CMIP: variants seen among roughly 807,000 people sequenced by gnomAD.
CMIP encodes C-Maf-inducing protein.
In CMIP, 13 loss-of-function variants were observed where a neutral mutation model predicts 97.3. The observed-to-expected ratio is 0.13, with a 90% CI of 0.09 to 0.21. The LOEUF is 0.21. Among genes scored for constraint, CMIP ranks in the 10% least tolerant of loss-of-function variants. The pLI, the probability that CMIP is intolerant of heterozygous loss-of-function variation, is 1.00. For synonymous variants in CMIP, 538 were observed against 436.3 expected (o/e 1.23, Z -2.91); for missense variants, 847 against 1,024.9 (o/e 0.83, Z 2.37).
Position 81,701,728 on chromosome 16 carries a change from C to T in CMIP, c.1824C>T (p.Thr608=), listed in dbSNP as rs1342897322. ...ACACCCAACTGCAGATCATCTCAACCCTGGAGAGCACAGACGTGGGGAAGC... is the reference window on the plus strand; with the variant it reads ...ACACCCAACTGCAGATCATCTCAACTCTGGAGAGCACAGACGTGGGGAAGC... ...NNDTQLQIIS[T]LESTDVGKRM... is the part of the protein sequence containing the mutation. Residue 608 remains threonine, a synonymous_variant, in exon 16 of 21, where the codon ACC becomes ACT. Transcript: ENST00000537098. The T allele has an allele frequency of 3.1e-6, 5 of 1,613,822 alleles. No individual in the cohort carries two copies. Among genetic ancestry groups the T allele is most frequent in the African/African-American group, 1.3e-5 (1 of 74,944 alleles).
At position 81,625,340 on chromosome 16, in the gene CMIP, A is replaced by G. The variant is rs1203677602; in HGVS notation, c.477+4414A>G. 2.6e-5 allele frequency among the ~76,000 whole-genome samples: 4 copies of G among 152,240 alleles called. No homozygotes were observed. The East Asian group carries it at 7.7e-4, about 29-fold the overall frequency. On this transcript the variant is annotated intron_variant, in intron 3 of 20. Coordinates refer to ENST00000537098, the MANE Select transcript of CMIP (RefSeq NM_198390.3). ...TTTGGTTTGGGTGGTTCAGCCCTTG[A>G]GGCTAATTCCCAGGGGTGTGGAAGC...
chr16:81,557,223 C>T (rs977709883), intron 1 of CMIP, among the ~76,000 whole-genome samples: 1 of 152,170 alleles, frequency 6.6e-6, no homozygotes, highest in Non-Finnish European at 1.5e-5. Flanking sequence ...CCACCTCCCC[C>T]ACGAGATCAT....
chr16:81,454,732 A>C (rs1357287178), intron 1 of CMIP, among the ~76,000 whole-genome samples: 1 of 152,206 alleles, frequency 6.6e-6, no homozygotes, highest in African/African-American at 2.4e-5. Flanking sequence ...TACAATTATG[A>C]TACACCATTG....
rs1372147792 is a variant in CMIP at position 81,542,563 on chromosome 16, A to G, written c.301-65004A>G. Reference sequence around the variant, plus strand: ...TCCATCTGTGTTAGATTGGGCTGCCATAACAAAACACCATAGACTGGGTGG... The same window carrying G: ...TCCATCTGTGTTAGATTGGGCTGCCGTAACAAAACACCATAGACTGGGTGG... On this transcript the variant is annotated intron_variant, in intron 1 of 20. Transcript: ENST00000537098. Among the ~76,000 whole-genome samples, 5 of 152,324 alleles carry G rather than the reference A, an allele frequency of 3.3e-5. No individual in the cohort carries two copies. The East Asian group carries it at 7.7e-4, about 24-fold the overall frequency.
intron 2 of CMIP, chr16:81,618,595 A>G (rs538923940): frequency 2.0e-4 from 30 of 152,382 alleles, no homozygotes; most frequent in African/African-American, 6.5e-4. Flanking sequence ...AGCTCATCCC[A>G]GCTTGCACCT....
chr16:81,501,472 A>C (rs2089610839), intron 1 of CMIP, among the ~76,000 whole-genome samples: 1 of 152,136 alleles, frequency 6.6e-6, no homozygotes, highest in Non-Finnish European at 1.5e-5. Context: ...ACGCTATTAA[A>C]TAGCGTCATC....
At chr16:81,657,204 A>G (rs1206683017) in intron 4 of CMIP, among the ~76,000 whole-genome samples, 3 of 152,172 alleles carry the variant, frequency 2.0e-5, no homozygotes, top group African/African-American at 7.2e-5. Flanking sequence ...ATTCAACCTA[A>G]TTATGTTTTT....
intron 1 of CMIP, among the ~76,000 whole-genome samples, chr16:81,601,545 C>G (rs1372855847): frequency 6.6e-6 from 1 of 152,122 alleles, no homozygotes; most frequent in East Asian, 1.9e-4. Context: ...CTTCTAGGCC[C>G]TATTTTTTCC....
intron 1 of CMIP, among the ~76,000 whole-genome samples, chr16:81,459,158 G>A (rs939333883): frequency 4.6e-5 from 7 of 152,194 alleles, no homozygotes; most frequent in African/African-American, 1.7e-4. Context: ...CTGCAGGACT[G>A]TGAGCTTGAA....
In CMIP at chr16:81,445,146, G is replaced by C; in HGVS notation, c.-96G>C. The C allele has an allele frequency of 1.6e-6, 1 of 636,036 alleles. No individual in the cohort carries two copies. Among genetic ancestry groups the C allele is most frequent in the East Asian group, 3.6e-5 (1 of 27,680 alleles). 39.4% of individuals were successfully genotyped at this position (636,036 alleles called of 1,614,324 possible). On this transcript the variant is annotated 5_prime_UTR_variant, in exon 1 of 21. Coordinates refer to ENST00000537098, the MANE Select transcript of CMIP (RefSeq NM_198390.3). Reference sequence around the variant, plus strand: ...ACACCCCCCCACCTTCCCGGGGGGTGGGGGGGTGCGGGCCGCCGGATCCGG... The same window carrying C: ...ACACCCCCCCACCTTCCCGGGGGGTCGGGGGGTGCGGGCCGCCGGATCCGG...
At chr16:81,514,844 C>T (rs1196949867) in intron 1 of CMIP, among the ~76,000 whole-genome samples, 2 of 152,178 alleles carry the variant, frequency 1.3e-5, no homozygotes, top group East Asian at 3.8e-4. Context: ...GTGTGTGTGC[C>T]GTGCCAGTGT....
At chr16:81,478,426 A>C (rs1908061810) in intron 1 of CMIP, among the ~76,000 whole-genome samples, 1 of 152,196 alleles carries the variant, frequency 6.6e-6, no homozygotes, top group South Asian at 2.1e-4. Context: ...CTGCCGGAGA[A>C]GATAGTGAGC....
intron 1 of CMIP, among the ~76,000 whole-genome samples, chr16:81,501,732 C>T (rs2089616935): frequency 6.6e-6 from 1 of 151,996 alleles, no homozygotes; most frequent in African/African-American, 2.4e-5. Context: ...CTGCCTCAGC[C>T]TCCCGAGTAG....
At chr16:81,507,001 C>G (rs1268444244) in intron 1 of CMIP, among the ~76,000 whole-genome samples, 1 of 152,020 alleles carries the variant, frequency 6.6e-6, no homozygotes, top group Non-Finnish European at 1.5e-5. Flanking sequence ...GCCTGTAATC[C>G]TAACACTTTG....
chr16:81,664,104 C>G (rs1222295867), intron 6 of CMIP, among the ~76,000 whole-genome samples, 165 bp from the exon 7 acceptor site: 1 of 152,146 alleles, frequency 6.6e-6, no homozygotes, highest in Admixed American at 6.5e-5. Context: ...CTAGAACTGG[C>G]CCCCCTCCAA....
intron 1 of CMIP, among the ~76,000 whole-genome samples, chr16:81,574,816 C>A (rs895043914): frequency 5.3e-5 from 8 of 152,196 alleles, no homozygotes; most frequent in Non-Finnish European, 8.8e-5. Flanking sequence ...GCTCACACTT[C>A]AGCTGACTGT....
At chr16:81,703,831 A>G (rs1010766719) in intron 17 of CMIP, 108 bp from the exon 18 acceptor site, 4 of 1,406,170 alleles carry the variant, frequency 2.8e-6, no homozygotes, top group Non-Finnish European at 3.8e-6. Flanking sequence ...CCCCCCAGGA[A>G]CAGCTCTCTG....
At chr16:81,569,942 A>G (rs2091053661) in intron 1 of CMIP, among the ~76,000 whole-genome samples, 1 of 127,272 alleles carries the variant, frequency 7.9e-6, no homozygotes, top group African/African-American at 2.7e-5. Context: ...GAGTGCACTT[A>G]ACTTTCATTC....
At chr16:81,577,235 A>G (rs1051426250) in intron 1 of CMIP, among the ~76,000 whole-genome samples, 1 of 150,538 alleles carries the variant, frequency 6.6e-6, no homozygotes, top group South Asian at 2.1e-4. Context: ...CATCATCCCC[A>G]TTACCACTAC....
Sources: allele counts gnomAD v4.1 joint callset (sites outside exome capture counted in the v4.1 genomes callset), GRCh38; gene constraint gnomAD v4.1.1; transcripts MANE v1.5; gene names NCBI Gene and HGNC (gene_info 2026-07-23, HGNC 2026-07-21).